Variants in CEP112 observed in about 807,000 individuals in gnomAD.
The protein encoded by CEP112 is centrosomal protein 112, also known as centrosomal protein of 112 kDa.
In CEP112, 127 loss-of-function variants were observed where a neutral mutation model predicts 153.0. The ratio of observed to expected loss-of-function variants is 0.83; its 90% CI spans 0.72 to 0.96. The LOEUF (loss-of-function observed/expected upper bound fraction) is 0.96. Ranked by LOEUF, CEP112 falls within the 40% of genes least tolerant of loss-of-function variation. The pLI, the probability that CEP112 is intolerant of heterozygous loss-of-function variation, is 0.00. For synonymous variants in CEP112, 358 were observed against 374.4 expected, an observed-to-expected ratio of 0.96 and a Z score of 0.51; for missense variants, 1,089 against 1,101.2, an observed-to-expected ratio of 0.99 and a Z score of 0.16.
chr17:66,121,171 G>A (rs2069566286), intron 6 of CEP112, among the ~76,000 whole-genome samples: 1 of 152,112 alleles, frequency 6.6e-6, no homozygotes, highest in African/African-American at 2.4e-5. Flanking sequence ...AGCTACTTGG[G>A]AGGCTGAGGC....
intron 8 of CEP112, among the ~76,000 whole-genome samples, chr17:66,077,000 AGG>A (rs1204145974): frequency 6.6e-6 from 1 of 152,178 alleles, no homozygotes. Context: ...CCGTAGGAAA[AGG>A]GGGAGAATAC....
At chr17:65,938,404 G>C (rs1027434644) in intron 18 of CEP112, among the ~76,000 whole-genome samples, 1 of 60,160 alleles carries the variant, frequency 1.7e-5, no homozygotes, top group Admixed American at 2.2e-4. Flanking sequence ...AAACACCCAA[G>C]AATGATCAAT....
intron 12 of CEP112, among the ~76,000 whole-genome samples, chr17:66,047,237 C>A (rs1304899652): frequency 6.6e-6 from 1 of 152,162 alleles, no homozygotes; most frequent in Non-Finnish European, 1.5e-5. Flanking sequence ...CTGCCTCAGC[C>A]TCCTGAGTAG....
intron 17 of CEP112, among the ~76,000 whole-genome samples, chr17:65,973,300 C>A (rs1010298054): frequency 1.3e-5 from 2 of 152,022 alleles, no homozygotes; most frequent in Non-Finnish European, 2.9e-5. Context: ...TGAAAGAAAC[C>A]ATTAAAAGAA....
At chr17:66,164,885 T>C (rs1217295323) in intron 4 of CEP112, among the ~76,000 whole-genome samples, 3 of 89,712 alleles carry the variant, frequency 3.3e-5, no homozygotes, top group African/African-American at 1.4e-4. Context: ...TACACACATA[T>C]ATGTGTGTGT....
intron 17 of CEP112, among the ~76,000 whole-genome samples, chr17:65,993,896 G>T (rs1454726229): frequency 6.6e-6 from 1 of 152,050 alleles, no homozygotes; most frequent in Non-Finnish European, 1.5e-5. Context: ...CTTGATCTAG[G>T]AGCTGCTTAC....
chr17:65,746,165 C>CAAAAAAAAAAAAAA (rs56361589), intron 22 of CEP112, among the ~76,000 whole-genome samples: 6 of 49,490 alleles, frequency 1.2e-4, no homozygotes, highest in Admixed American at 2.8e-4. Flanking sequence ...AACTCCATCT[C>CAAAAAAAAAAAAAA]AAAAAAAAAA....
intron 20 of CEP112, among the ~76,000 whole-genome samples, chr17:65,860,143 G>A (rs556559431): frequency 3.3e-5 from 5 of 151,860 alleles, no homozygotes; most frequent in Admixed American, 6.6e-5. Flanking sequence ...AATGATCAAT[G>A]TTCAAAAAGC....
At chr17:66,136,700 G>A (rs1358145039) in intron 4 of CEP112, among the ~76,000 whole-genome samples, 3 of 152,202 alleles carry the variant, frequency 2.0e-5, no homozygotes, top group Admixed American at 2.0e-4. Context: ...GATTGAGCCA[G>A]TGTGCTACTA....
At chr17:65,872,217 T>C (rs1350856928) in intron 20 of CEP112, among the ~76,000 whole-genome samples, 5 of 152,040 alleles carry the variant, frequency 3.3e-5, no homozygotes, top group African/African-American at 1.2e-4. Context: ...ATTTTTGGGT[T>C]TCTTTTAGCT....
At chr17:65,640,154 A>ATTTTTTTTTTT (rs529025836) in intron 25 of CEP112, among the ~76,000 whole-genome samples, 1 of 78,346 alleles carries the variant, frequency 1.3e-5, no homozygotes, top group Non-Finnish European at 2.1e-5. Context: ...ATATATATAT[A>ATTTTTTTTTTT]TTTTTTTTTT....
intron 21 of CEP112, among the ~76,000 whole-genome samples, chr17:65,759,862 A>G (rs898206992): frequency 1.3e-5 from 2 of 152,172 alleles, no homozygotes; most frequent in Non-Finnish European, 2.9e-5. Flanking sequence ...ATGGCATTTC[A>G]CCCCGATAAA....
At chr17:66,076,134 G>C (rs1396891107) in intron 8 of CEP112, among the ~76,000 whole-genome samples, 1 of 152,182 alleles carries the variant, frequency 6.6e-6, no homozygotes, top group African/African-American at 2.4e-5. Flanking sequence ...GGCATAGGGG[G>C]AAATACCACA....
chr17:65,782,384 G>C (rs1405630078), intron 21 of CEP112, among the ~76,000 whole-genome samples: 1 of 152,126 alleles, frequency 6.6e-6, no homozygotes, highest in Non-Finnish European at 1.5e-5. Flanking sequence ...CTTATACACT[G>C]TTGGTGGGAA....
At position 66,029,978 on chromosome 17, in the gene CEP112, C is replaced by T; in HGVS notation, c.1264G>A (p.Gly422Arg). The T allele has an allele frequency of 6.2e-7, 1 of 1,613,770 alleles. No individual in the cohort carries two copies. The highest frequency in any genetic ancestry group is 8.5e-7 in the Non-Finnish European group (1 of 1,179,826). The change falls in exon 13 of 27, where the codon GGA (glycine) becomes AGA (arginine). Residue 422 changes from glycine to arginine, a missense_variant. Coordinates refer to ENST00000535342, the MANE Select transcript of CEP112 (RefSeq NM_001199165.4). ...TGTAAATTACTGTTCTCTGCTTCTC[C>T]AGTCAGCTGCTGGACACGGGCCTCC... ...ELEARVQQLT[G>R]EAENSNLQRQ...
rs532171165 is a variant in CEP112, at chr17:65,939,301, C to A, written c.1873-11612G>T. On this transcript the variant is annotated intron_variant, in intron 18 of 26. Transcript: ENST00000535342. ...CAGAAGAATTAATAGTGTTAAAATG[C>A]CCATACTACCCAAAGCAATCTACAG... Among the ~76,000 whole-genome samples the A allele has an allele frequency of 7.2e-5, 11 of 152,016 alleles. No homozygotes were observed. The East Asian group carries it at 1.9e-3, about 27-fold the overall frequency.
intron 18 of CEP112, among the ~76,000 whole-genome samples, chr17:65,937,931 T>C (rs1220407126): frequency 7.2e-5 from 9 of 124,386 alleles, no homozygotes; most frequent in Admixed American, 1.9e-4. Context: ...CAGCGGCTCA[T>C]TGAGAACGGG....
At chr17:65,793,792 G>A (rs576603436) in intron 21 of CEP112, among the ~76,000 whole-genome samples, 2 of 152,232 alleles carry the variant, frequency 1.3e-5, no homozygotes, top group East Asian at 1.9e-4. Flanking sequence ...AATAGCATTT[G>A]TGTATTCCTG....
chr17:66,037,635 C>T (rs535073871), intron 12 of CEP112, among the ~76,000 whole-genome samples: 3 of 152,022 alleles, frequency 2.0e-5, no homozygotes, highest in African/African-American at 7.2e-5. Context: ...TTTGTCTTTC[C>T]GTAACAACAA....
Sources: gnomAD v4.1 joint callset for allele counts (sites outside exome capture counted in the v4.1 genomes callset) on GRCh38, gnomAD v4.1.1 for gene constraint, MANE v1.5 for transcripts, NCBI Gene and HGNC (gene_info 2026-07-23, HGNC 2026-07-21) for gene names.